Variants in FGFR1 observed in about 807,000 individuals in gnomAD.
The protein encoded by FGFR1 is fibroblast growth factor receptor 1, also known as FGFR1/PLAG1 fusion.
In FGFR1, 18 loss-of-function variants were observed where a neutral mutation model predicts 93.7. That is an observed-to-expected ratio of 0.19 (90% CI 0.13 to 0.28). The LOEUF is 0.28. FGFR1 is among the 10% of genes least tolerant of loss of function. FGFR1 has a pLI of 1.00. For missense variants in FGFR1, 731 were observed against 1,080.4 expected (o/e 0.68, Z 4.53); for synonymous variants, 448 against 429.3 (o/e 1.04, Z -0.54).
chr8:38,430,062 C>T, intron 2 of FGFR1, 114 bp from the exon 3 acceptor site: 1 of 1,084,856 alleles, frequency 9.2e-7, no homozygotes, highest in Admixed American at 2.4e-5. Flanking sequence ...GCCGCACCAT[C>T]CTGGGCATCA....
chr8:38,418,443 AG>A (rs1817559458), intron 9 of FGFR1, 70 bp from the exon 10 acceptor site: 1 of 1,535,208 alleles, frequency 6.5e-7, no homozygotes, highest in South Asian at 1.2e-5. Context: ...ATTCTTAGTC[AG>A]GGCTTCCCAA....
chr8:38,468,117 CCGGCGCTCGACTCCCGGCGGCGCT>C lies in FGFR1; in HGVS notation c.-249_-226del, dbSNP rs2151506863. On this transcript the variant is annotated 5_prime_UTR_variant, in exon 1 of 18. Coordinates refer to ENST00000447712, the MANE Select transcript of FGFR1 (RefSeq NM_023110.3). ...TGGCGGGGTCGCAAGAGCTCCGCGGCCGGCGCTCGACTCCCGGCGGCGCTCGGTGCTCGGCGCCTCCAGCCCGGG... is the reference window on the plus strand; with the variant it reads ...TGGCGGGGTCGCAAGAGCTCCGCGGCCGGTGCTCGGCGCCTCCAGCCCGGG... The C allele has an allele frequency of 4.4e-6, 1 of 226,408 alleles. No individual in the cohort carries two copies. Among genetic ancestry groups the C allele is most frequent in the African/African-American group, 2.2e-5 (1 of 44,998 alleles). 14.0% of individuals were successfully genotyped at this position (226,408 alleles called of 1,614,324 possible). A position where few individuals can be genotyped will look rare whatever the true frequency, so the allele number is the denominator to read the frequency against.
intron 2 of FGFR1, among the ~76,000 whole-genome samples, chr8:38,432,910 CCCCCCCCCT>C: frequency 7.9e-6 from 1 of 127,220 alleles, no homozygotes; most frequent in African/African-American, 2.9e-5. Context: ...CCCACCGCGC[CCCCCCCCCT>C]CCCCAGTTGG....
At chr8:38,454,062 G>A (rs1831948982) in intron 2 of FGFR1, among the ~76,000 whole-genome samples, 2 of 152,202 alleles carry the variant, frequency 1.3e-5, no homozygotes, top group South Asian at 4.2e-4. Flanking sequence ...CAGTCTTCCT[G>A]GGTACATGGC....
At chr8:38,433,571 A>G (rs1259126434) in intron 2 of FGFR1, among the ~76,000 whole-genome samples, 1 of 152,164 alleles carries the variant, frequency 6.6e-6, no homozygotes, top group Non-Finnish European at 1.5e-5. Flanking sequence ...CGGTCCTTGC[A>G]TCTTCAGTTA....
At chr8:38,462,621 T>C (rs1834657409) in intron 1 of FGFR1, among the ~76,000 whole-genome samples, 1 of 152,058 alleles carries the variant, frequency 6.6e-6, no homozygotes, top group Non-Finnish European at 1.5e-5. Flanking sequence ...TCTTCCTTTC[T>C]TTTTTTCTTT....
In FGFR1 at chr8:38,413,476, G is replaced by C; in HGVS notation, c.*152C>G. The stretch of plus-strand genomic sequence containing the variant: ...TGGAGGGAGAGGTGAGCTGAGTGGG[G>C]TGAAGGCAGGCCACACAGGAAGGCC... On this transcript the variant is annotated 3_prime_UTR_variant, in exon 18 of 18. Coordinates refer to ENST00000447712, the MANE Select transcript of FGFR1 (RefSeq NM_023110.3). The surrounding 1 kb of genome is among the most constrained non-coding windows in gnomAD (Gnocchi z 4.2). 1 of 755,676 alleles carries C rather than the reference G, an allele frequency of 1.3e-6. No homozygotes were observed. The highest frequency in any genetic ancestry group is 2.1e-6 in the Non-Finnish European group (1 of 465,154). The allele number at this position is 755,676 out of a possible 1,614,324, so 46.8% of individuals were successfully genotyped here. A position where few individuals can be genotyped will look rare whatever the true frequency, so the allele number is the denominator to read the frequency against.
At position 38,426,097 on chromosome 8, in the gene FGFR1, C is replaced by T. The variant is rs777264405; in HGVS notation, c.745+25G>A. 1 of 1,614,018 alleles carries T rather than the reference C, an allele frequency of 6.2e-7. No homozygotes were observed. Among genetic ancestry groups the T allele is most frequent in the Admixed American group, 1.7e-5 (1 of 60,026 alleles). ...CCTGGCTCTTCCCACTAAACTCATT[C>T]CTCCTGCTGCCTCTGCCCTCTTACC... is the stretch of plus-strand genomic sequence containing the variant. On this transcript the variant is annotated intron_variant, in intron 6 of 17. Transcript: ENST00000447712. The surrounding 1 kb of genome is among the most constrained non-coding windows in gnomAD (Gnocchi z 4.1).
intron 2 of FGFR1, among the ~76,000 whole-genome samples, chr8:38,433,280 G>A (rs1445060851): frequency 1.3e-5 from 2 of 152,044 alleles, no homozygotes; most frequent in Non-Finnish European, 2.9e-5. Flanking sequence ...AGGCTACGGT[G>A]AGCTATGATC....
In FGFR1 at chr8:38,440,310, G is replaced by A. The variant is rs533292832; in HGVS notation, c.92-10362C>T. 1.8e-5 allele frequency: 29 copies of A among 1,604,268 alleles called. No homozygotes were observed. In the South Asian group the frequency reaches 1.9e-4, roughly 11 times the overall value. Reference sequence around the variant, plus strand: ...GAAATGGAACTGAAAACTTACCTTCGGCTGGCAGGACCCGGCCAGAGTGCA... The same window carrying A: ...GAAATGGAACTGAAAACTTACCTTCAGCTGGCAGGACCCGGCCAGAGTGCA... On this transcript the variant is annotated intron_variant, in intron 2 of 17. Transcript: ENST00000447712.
At chr8:38,428,195 T>G in intron 4 of FGFR1, 102 bp from the exon 5 acceptor site, 1 of 1,540,350 alleles carries the variant, frequency 6.5e-7, no homozygotes, top group Non-Finnish European at 9.0e-7. Flanking sequence ...CTTGCCCATC[T>G]GCCCAACACC....
rs1438923182 is a variant in FGFR1 at position 38,413,712 on chromosome 8, G to A, written c.2385C>T (p.Val795=). The A allele has an allele frequency of 6.2e-7, 1 of 1,613,918 alleles. No homozygotes were observed. Among genetic ancestry groups the A allele is most frequent in the Non-Finnish European group, 8.5e-7 (1 of 1,179,988 alleles). ...CCTCGGGCAGCGGCTCATGAGAGAA[G>A]ACGGAATCCTCCCCTGAGGAGCACG... ...SSTCSSGEDS[V]FSHEPLPEEP... Residue 795 remains valine, a synonymous_variant, in exon 18 of 18, where the codon GTC becomes GTT. Transcript: ENST00000447712. This position sits in a 1 kb window ranked among gnomAD's most constrained non-coding sequence, Gnocchi z 4.2.
intron 2 of FGFR1, among the ~76,000 whole-genome samples, chr8:38,455,409 G>A (rs1832546531): frequency 6.6e-6 from 1 of 152,130 alleles, no homozygotes; most frequent in African/African-American, 2.4e-5. Flanking sequence ...GCTGGAGACT[G>A]GAGCTGGAGT....
chr8:38,460,881 C>T (rs981660392), intron 1 of FGFR1, among the ~76,000 whole-genome samples: 6 of 152,180 alleles, frequency 3.9e-5, no homozygotes, highest in African/African-American at 1.4e-4. Flanking sequence ...GAAACAACTT[C>T]CTTCCTTCAC....
intron 2 of FGFR1, among the ~76,000 whole-genome samples, chr8:38,441,357 C>T (rs572050845): frequency 6.6e-6 from 1 of 152,286 alleles, no homozygotes; most frequent in African/African-American, 2.4e-5. Context: ...CTACCTCTCA[C>T]AATGGGGAGT....
At chr8:38,437,407 T>C (rs1316714935) in intron 2 of FGFR1, among the ~76,000 whole-genome samples, 1 of 152,158 alleles carries the variant, frequency 6.6e-6, no homozygotes, top group Non-Finnish European at 1.5e-5. Flanking sequence ...CACCTTAATA[T>C]GGATTAAGAT....
intron 1 of FGFR1, among the ~76,000 whole-genome samples, chr8:38,461,684 T>C (rs748652962): frequency 1.3e-5 from 2 of 152,144 alleles, no homozygotes; most frequent in Non-Finnish European, 2.9e-5. Context: ...CACCCTGGGA[T>C]AGTCACTTAA....
chr8:38,428,498 G>C (rs920658405), intron 3 of FGFR1, 63 bp from the exon 4 acceptor site: 40 of 1,360,594 alleles, frequency 2.9e-5, no homozygotes, highest in Non-Finnish European at 3.9e-5. Context: ...ACCAAGGCTA[G>C]TGCAGTTCCA....
At chr8:38,456,851 G>C (rs978982608) in intron 2 of FGFR1, among the ~76,000 whole-genome samples, 1 of 152,016 alleles carries the variant, frequency 6.6e-6, no homozygotes, top group Non-Finnish European at 1.5e-5. Flanking sequence ...GGTTACATGT[G>C]TGACCCACTA....
Sources: allele counts gnomAD v4.1 joint callset (sites outside exome capture counted in the v4.1 genomes callset), GRCh38; gene constraint gnomAD v4.1.1; non-coding constraint Gnocchi (gnomAD v3.1); transcripts MANE v1.5; gene names NCBI Gene and HGNC (gene_info 2026-07-23, HGNC 2026-07-21).